EML5: variants seen among roughly 807,000 people sequenced by gnomAD.
The protein encoded by EML5 is EMAP like 5, also known as echinoderm microtubule-associated protein-like 5.
EML5 carries 120 observed loss-of-function variants against 250.0 expected under a neutral mutation model. The ratio of observed to expected loss-of-function variants is 0.48; its 90% CI spans 0.41 to 0.56. The LOEUF (loss-of-function observed/expected upper bound fraction) is 0.56, where lower values mean the gene tolerates loss of function less well. EML5 is among the 20% of genes least tolerant of loss of function. The probability of loss-of-function intolerance (pLI) is 0.00; values close to 1 mark genes in which losing one functional copy is unlikely to be tolerated. For synonymous variants in EML5, 771 were observed against 806.5 expected, an observed-to-expected ratio of 0.96 and a Z score of 0.75; for missense variants, 2,006 against 2,437.6, an observed-to-expected ratio of 0.82 and a Z score of 3.73.
chr14:88,661,377 T>C (rs1409517559), intron 25 of EML5, among the ~76,000 whole-genome samples: 1 of 152,224 alleles, frequency 6.6e-6, no homozygotes, highest in Admixed American at 6.5e-5. Context: ...ATTATAGGCA[T>C]GAGCCACTGT....
chr14:88,684,226 G>T (rs1266291591), intron 20 of EML5, among the ~76,000 whole-genome samples: 1 of 43,074 alleles, frequency 2.3e-5, no homozygotes, highest in African/African-American at 1.1e-4. Flanking sequence ...AAAAATAATG[G>T]AAGTTAAAAA....
chr14:88,688,334 G>A lies in EML5; in HGVS notation c.2679C>T (p.Ile893=). The change falls in exon 18 of 44, where the codon ATC becomes ATT. Residue 893 remains isoleucine (I), a synonymous_variant. Transcript: ENST00000554922. ...STGDVCIWRD[I]FLVKTVKAHD... ...GCGCTTTCACTGTTTTTACAAGAAA[G>A]ATGTCTCTCCAGATACACACATCTC... 6.2e-7 allele frequency: 1 copy of A among 1,613,942 alleles called. No homozygotes were observed. Among genetic ancestry groups the A allele is most frequent in the Non-Finnish European group, 8.5e-7 (1 of 1,179,890 alleles).
At chr14:88,695,115 G>A (rs886277923) in intron 16 of EML5, among the ~76,000 whole-genome samples, 7 of 152,042 alleles carry the variant, frequency 4.6e-5, no homozygotes, top group Admixed American at 2.6e-4. Flanking sequence ...TGTACGTGGA[G>A]ATTTTAGATA....
At chr14:88,712,638 GAGAAA>G (rs2093425447) in intron 9 of EML5, among the ~76,000 whole-genome samples, 155 bp from the exon 10 acceptor site, 3 of 152,214 alleles carry the variant, frequency 2.0e-5, no homozygotes, top group South Asian at 4.1e-4. Flanking sequence ...TTTGGGTTAA[GAGAAA>G]AGAAAACTAA....
rs2094622387 is a variant in EML5 at position 88,792,592 on chromosome 14, T to C, written c.-89A>G. On this transcript the variant is annotated 5_prime_UTR_variant, in exon 1 of 44. Transcript: ENST00000554922. The surrounding 1 kb of genome is among the most constrained non-coding windows in gnomAD (Gnocchi z 6.9). ...CGGCAACGAAAGCCCTCCCGCTGGC[T>C]GCCGGGACTTCCCGCCAGCCGCGTC... is the stretch of plus-strand genomic sequence containing the variant. The C allele has an allele frequency of 8.4e-7, 1 of 1,183,596 alleles. No individual in the cohort carries two copies. Among genetic ancestry groups the C allele is most frequent in the Non-Finnish European group, 1.0e-6 (1 of 956,264 alleles). The allele number at this position is 1,183,596 out of a possible 1,614,324, so 73.3% of individuals were successfully genotyped here.
chr14:88,727,202 T>C (rs973015398), intron 7 of EML5, among the ~76,000 whole-genome samples: 1 of 152,190 alleles, frequency 6.6e-6, no homozygotes, highest in African/African-American at 2.4e-5. Flanking sequence ...ATCTTTTTCC[T>C]CTTATGTCAA....
intron 1 of EML5, among the ~76,000 whole-genome samples, chr14:88,766,632 G>A (rs768880740): frequency 1.8e-4 from 27 of 152,096 alleles, no homozygotes; most frequent in South Asian, 8.3e-4. Context: ...CTGTGATCTC[G>A]CCCTGCCTCC....
At chr14:88,691,610 T>G (rs1414759283) in intron 17 of EML5, among the ~76,000 whole-genome samples, 1 of 152,152 alleles carries the variant, frequency 6.6e-6, no homozygotes, top group East Asian at 1.9e-4. Flanking sequence ...GGGGAGAGAT[T>G]AATAAATCAT....
intron 8 of EML5, among the ~76,000 whole-genome samples, chr14:88,720,897 CT>C (rs1465399052): frequency 1.3e-5 from 2 of 152,126 alleles, no homozygotes; most frequent in Non-Finnish European, 2.9e-5. Flanking sequence ...AGCCCAAAAG[CT>C]TCTTAAGCTG....
At chr14:88,644,720 A>AT (rs1383758509) in intron 29 of EML5, 28 of 448,870 alleles carry the variant, frequency 6.2e-5, no homozygotes, top group Middle Eastern at 1.2e-3. Context: ...ATTTTATTTT[A>AT]TTTTTTTTGA....
intron 2 of EML5, among the ~76,000 whole-genome samples, chr14:88,753,088 AG>A (rs2094119015): frequency 6.6e-6 from 1 of 152,194 alleles, no homozygotes; most frequent in Non-Finnish European, 1.5e-5. Context: ...TCAACACTTA[AG>A]CTGCTGGTGT....
At position 88,688,444 on chromosome 14, in the gene EML5, T is replaced by A. The variant is rs930631707; in HGVS notation, c.2569A>T (p.Ile857Leu). 22 of 1,613,986 alleles carry A rather than the reference T, an allele frequency of 1.4e-5. No individual in the cohort carries two copies. Among genetic ancestry groups the A allele is most frequent in the Non-Finnish European group, 1.8e-5 (21 of 1,179,894 alleles). ...GTGTCATTTTTCCCCAGTGTGCCTA[T>A]GTAGCCTTTTCTTCCAATCAATCCT... ...GGGLIGRKGY[I>L]GTLGKNDTMM... The change falls in exon 18 of 44, where the codon ATA becomes TTA. Residue 857 changes from isoleucine to leucine, a missense_variant. Physicochemically the swap from Ile to Leu is conservative, Grantham distance 5. Transcript: ENST00000554922.
chr14:88,758,019 A>ATTTTT (rs59074536), intron 1 of EML5, among the ~76,000 whole-genome samples: 3 of 129,238 alleles, frequency 2.3e-5, no homozygotes, highest in Non-Finnish European at 3.2e-5. Context: ...CACCTGTCTA[A>ATTTTT]TTTTTTTTTT....
At chr14:88,616,300 CTTA>C in intron 42 of EML5, 58 bp from the exon 43 acceptor site, 1 of 1,495,598 alleles carries the variant, frequency 6.7e-7, no homozygotes, top group African/African-American at 1.4e-5. Context: ...GTCAAAGGCT[CTTA>C]TTAGGAACTA....
Position 88,792,475 on chromosome 14 carries a change from T to G in EML5, c.29A>C (p.His10Pro). 6.7e-7 allele frequency: 1 copy of G among 1,487,036 alleles called. No homozygotes were observed. Among genetic ancestry groups the G allele is most frequent in the Non-Finnish European group, 9.0e-7 (1 of 1,115,102 alleles). The allele number at this position is 1,487,036 out of a possible 1,614,324, so 92.1% of individuals were successfully genotyped here. The change falls in exon 1 of 44, where the codon CAC (histidine) becomes CCC (proline). Residue 10 changes from histidine to proline, a missense_variant. Transcript: ENST00000554922. This position sits in a 1 kb window ranked among gnomAD's most constrained non-coding sequence, Gnocchi z 6.9. ...GCCGTACACCCACTCGAGCCGCAGG[T>G]GGCAGCTCGGGGCGCTCCGGGCCGC... The part of the protein sequence containing the change: MAARSAPSC[H>P]LRLEWVYGYR...
chr14:88,731,728 CTGT>C (rs1480498018), intron 7 of EML5, among the ~76,000 whole-genome samples: 3 of 152,164 alleles, frequency 2.0e-5, no homozygotes, highest in African/African-American at 7.2e-5. Flanking sequence ...TCTCCAGCAC[CTGT>C]TGTTTCCTGA....
intron 1 of EML5, among the ~76,000 whole-genome samples, chr14:88,758,386 G>C (rs940191876): frequency 1.3e-5 from 2 of 151,834 alleles, no homozygotes; most frequent in African/African-American, 4.8e-5. Flanking sequence ...GTAAAGACGA[G>C]GTTTCACCAT....
At chr14:88,684,833 ATTAATTTTTTCTGTATACG>A (rs1218956121) in intron 20 of EML5, among the ~76,000 whole-genome samples, 163 bp downstream of exon 20, 3 of 152,004 alleles carry the variant, frequency 2.0e-5, no homozygotes, top group African/African-American at 7.2e-5. Flanking sequence ...TTCTGTATAC[ATTAATTTTTTCTGTATACG>A]TTAAAATTTT....
intron 7 of EML5, among the ~76,000 whole-genome samples, chr14:88,727,614 T>C (rs966167861): frequency 5.3e-5 from 8 of 152,136 alleles, no homozygotes; most frequent in Non-Finnish European, 1.2e-4. Context: ...GTCAGGCTGG[T>C]CTCAAACTCC....
Sources: gnomAD v4.1 joint callset for allele counts (sites outside exome capture counted in the v4.1 genomes callset) on GRCh38, gnomAD v4.1.1 for gene constraint, Gnocchi (gnomAD v3.1) non-coding constraint, MANE v1.5 for transcripts, NCBI Gene and HGNC (gene_info 2026-07-23, HGNC 2026-07-21) for gene names.